Variants in AHSA1 observed in about 807,000 individuals in gnomAD.
The protein encoded by AHSA1 is activator of 90 kDa heat shock protein ATPase homolog 1.
A neutral mutation model predicts 46.1 loss-of-function variants in AHSA1; 14 were observed. The ratio of observed to expected loss-of-function variants is 0.30; its 90% CI spans 0.20 to 0.47. The LOEUF is 0.47. Among genes scored for constraint, AHSA1 ranks in the 20% least tolerant of loss-of-function variants. The pLI is 0.99. For synonymous variants in AHSA1, 147 were observed against 145.8 expected (o/e 1.01, Z -0.06); for missense variants, 333 against 415.9 (o/e 0.80, Z 1.73).
chr14:77,458,128 A>G lies in AHSA1; in HGVS notation c.-62A>G, dbSNP rs1464131059. 6 of 1,420,050 alleles carry G rather than the reference A, an allele frequency of 4.2e-6. No individual in the cohort carries two copies. The highest frequency in any genetic ancestry group is 3.2e-5 in the Admixed American group (1 of 30,826). The allele number at this position is 1,420,050 out of a possible 1,614,324, so 88.0% of individuals were successfully genotyped here. ...AGGCGCTGCCGGGCGGCTGGCACTA[A>G]GCGGTCCTGAGGCTGTGGCTACGGC... On this transcript the variant is annotated 5_prime_UTR_variant, in exon 1 of 9. Transcript: ENST00000216479.
intron 4 of AHSA1, among the ~76,000 whole-genome samples, chr14:77,463,601 A>G (rs1309454012): frequency 1.9e-5 from 1 of 51,794 alleles, no homozygotes; most frequent in East Asian, 0.018. Context: ...AAAAAAAAAC[A>G]AAAAAAAAAC....
At chr14:77,462,377 T>C in intron 3 of AHSA1, 135 bp downstream of exon 3, 2 of 892,496 alleles carry the variant, frequency 2.2e-6, no homozygotes, top group Non-Finnish European at 1.7e-6. Context: ...GATAATTTTC[T>C]AGGCATATGG....
At position 77,468,721 on chromosome 14, in the gene AHSA1, C is replaced by CTTTTTTTTTTTTTTT. The variant is rs572116649; in HGVS notation, c.844+223_844+237dup. The CTTTTTTTTTTTTTTT allele has an allele frequency of 7.6e-5, 17 of 224,428 alleles. 1 individual carries two copies. The highest frequency in any genetic ancestry group is 4.6e-4 in the African/African-American group (10 of 21,848). The allele number at this position is 224,428 out of a possible 1,614,324, so 13.9% of individuals were successfully genotyped here. A position where few individuals can be genotyped will look rare whatever the true frequency, so the allele number is the denominator to read the frequency against. ...GAGACTACGTGTGCCACCATGCCAG[C>CTTTTTTTTTTTTTTT]TTTTTTTTTTTTTTTTTTTTTTTTA... On this transcript the variant is annotated intron_variant, in intron 8 of 8. Transcript: ENST00000216479.
chr14:77,462,816 TG>T, intron 4 of AHSA1, 57 bp downstream of exon 4: 1 of 1,449,012 alleles, frequency 6.9e-7, no homozygotes, highest in East Asian at 2.3e-5. Flanking sequence ...TGTTAGACTC[TG>T]GTTAAGGGCC....
intron 8 of AHSA1, chr14:77,468,787 G>A: frequency 1.8e-6 from 1 of 546,446 alleles, no homozygotes; most frequent in Admixed American, 4.1e-5. Context: ...CTACTACATT[G>A]TCCAGGCTAG....
chr14:77,468,446 G>C lies in AHSA1; in HGVS notation c.793-11G>C. On this transcript the variant is annotated splice_polypyrimidine_tract_variant and intron_variant, in intron 7 of 8. Coordinates refer to ENST00000216479, the MANE Select transcript of AHSA1 (RefSeq NM_012111.3). ...GTATATAATATAGACTGAGCTGTTT[G>C]ATTATTTTAGGTCCCTGAGAAACAT... 6.2e-7 allele frequency: 1 copy of C among 1,611,630 alleles called. No homozygotes were observed. Among genetic ancestry groups the C allele is most frequent in the Non-Finnish European group, 8.5e-7 (1 of 1,178,286 alleles).
At chr14:77,468,896 T>TG (rs5809831) in intron 8 of AHSA1, 181 bp from the exon 9 acceptor site, 338,294 of 676,012 alleles carry the variant, frequency 0.5, 92,891 homozygotes, top group East Asian at 0.93. Flanking sequence ...TTAGTAGAGA[T>TG]GGAGTTTCAC....
intron 3 of AHSA1, 51 bp downstream of exon 3, chr14:77,462,293 A>C: frequency 6.2e-5 from 94 of 1,515,714 alleles, no homozygotes; most frequent in Non-Finnish European, 8.2e-5. Context: ...TCTTATTCTC[A>C]GATGAGAAAA....
At chr14:77,465,738 C>T (rs2079045357) in intron 6 of AHSA1, 71 bp downstream of exon 6, 3 of 1,537,100 alleles carry the variant, frequency 2.0e-6, no homozygotes, top group Admixed American at 1.7e-5. Context: ...GGGCATATCC[C>T]TTCAGCAGTG....
At chr14:77,459,544 T>G in intron 1 of AHSA1, 72 bp from the exon 2 acceptor site, 1 of 1,507,888 alleles carries the variant, frequency 6.6e-7, no homozygotes. Context: ...TCCTTTAACC[T>G]CGTATTCTCT....
At chr14:77,468,401 C>A in intron 7 of AHSA1, 56 bp from the exon 8 acceptor site, 1 of 1,513,392 alleles carries the variant, frequency 6.6e-7, no homozygotes, top group Non-Finnish European at 9.1e-7. Context: ...CTGATCCTAG[C>A]TAGGATTGGG....
intron 1 of AHSA1, among the ~76,000 whole-genome samples, chr14:77,458,703 G>A (rs1439952048): frequency 1.3e-5 from 2 of 152,188 alleles, no homozygotes; most frequent in African/African-American, 2.4e-5. Flanking sequence ...ATTCATAGGG[G>A]ACCGCTGCAG....
At chr14:77,462,408 G>T (rs2079029649) in intron 3 of AHSA1, 166 bp downstream of exon 3, 1 of 749,248 alleles carries the variant, frequency 1.3e-6, no homozygotes, top group Non-Finnish European at 2.2e-6. Context: ...AACTTCTAGA[G>T]CAATTTGCAC....
Position 77,469,377 on chromosome 14 carries a change from A to C in AHSA1, c.*128A>C. On this transcript the variant is annotated 3_prime_UTR_variant, in exon 9 of 9. Coordinates refer to ENST00000216479, the MANE Select transcript of AHSA1 (RefSeq NM_012111.3). ...GGGCCGGGGCCCCTCCCTTCCACAT[A>C]TACCTTGGGTTTGTGCATGTTTTCT... is the stretch of plus-strand genomic sequence containing the variant. 8.7e-7 allele frequency: 1 copy of C among 1,144,522 alleles called. No homozygotes were observed. The highest frequency in any genetic ancestry group is 1.2e-6 in the Non-Finnish European group (1 of 814,650). 70.9% of individuals were successfully genotyped at this position (1,144,522 alleles called of 1,614,324 possible).
At chr14:77,464,853 T>C (rs2079041254) in intron 5 of AHSA1, among the ~76,000 whole-genome samples, 167 bp downstream of exon 5, 1 of 152,204 alleles carries the variant, frequency 6.6e-6, no homozygotes, top group Non-Finnish European at 1.5e-5. Flanking sequence ...CATTCACCCA[T>C]CTTTAACCTG....
intron 6 of AHSA1, among the ~76,000 whole-genome samples, chr14:77,466,794 G>A (rs910085264): frequency 2.0e-5 from 3 of 152,344 alleles, no homozygotes; most frequent in South Asian, 2.1e-4. Context: ...GACTGCATTC[G>A]ATGGCTAACT....
At position 77,469,214 on chromosome 14, in the gene AHSA1, A is replaced by C; in HGVS notation, c.982A>C (p.Lys328Gln). The change falls in exon 9 of 9, where the codon AAA becomes CAA. Residue 328 changes from lysine to glutamine, a missense_variant. Transcript: ENST00000216479. Reference protein sequence around the residue: ...GWQRYYFEGIKQTFGYGARLF With the variant: ...GWQRYYFEGIQQTFGYGARLF ...GCAGCGGTACTACTTTGAGGGCATT[A>C]AACAGACCTTTGGCTATGGCGCACG... The C allele has an allele frequency of 6.2e-7, 1 of 1,613,984 alleles. No individual in the cohort carries two copies. Among genetic ancestry groups the C allele is most frequent in the East Asian group, 2.2e-5 (1 of 44,848 alleles).
intron 2 of AHSA1, among the ~76,000 whole-genome samples, chr14:77,461,407 G>A (rs933166011): frequency 3.9e-5 from 6 of 152,166 alleles, no homozygotes; most frequent in Admixed American, 1.3e-4. Flanking sequence ...GCACGCACCT[G>A]TAATCCCAGC....
chr14:77,465,786 TGA>T, intron 6 of AHSA1, 119 bp downstream of exon 6: 1 of 1,035,854 alleles, frequency 9.7e-7, no homozygotes. Flanking sequence ...ACTGGAGCCA[TGA>T]GGCCTTCATC....
Sources: allele counts gnomAD v4.1 joint callset (sites outside exome capture counted in the v4.1 genomes callset), GRCh38; gene constraint gnomAD v4.1.1; transcripts MANE v1.5; gene names NCBI Gene and HGNC (gene_info 2026-07-23, HGNC 2026-07-21).